The following TMEM201 variants were observed in gnomAD, a reference collection of about 807,000 sequenced individuals.
The protein encoded by TMEM201 is transmembrane protein 201, also known as RP13-15M17.2.
TMEM201 carries 26 observed loss-of-function variants against 63.4 expected under a neutral mutation model. The observed-to-expected ratio is 0.41, with a 90% CI of 0.30 to 0.57. The LOEUF is 0.57. Among genes scored for constraint, TMEM201 ranks in the 20% least tolerant of loss-of-function variants. TMEM201 has a pLI of 0.29. For missense variants in TMEM201, 794 were observed against 917.7 expected (o/e 0.87, Z 1.74); for synonymous variants, 417 against 421.6 (o/e 0.99, Z 0.14).
chr1:9,609,664 G>C (rs1309139318), intron 7 of TMEM201, among the ~76,000 whole-genome samples, 176 bp from the exon 8 acceptor site: 5 of 152,158 alleles, frequency 3.3e-5, no homozygotes, highest in African/African-American at 1.2e-4. Flanking sequence ...CTGCAAAAAG[G>C]GAACGTGCCC....
chr1:9,611,004 T>A, intron 9 of TMEM201, 199 bp downstream of exon 9: 1 of 1,532,728 alleles, frequency 6.5e-7, no homozygotes, highest in Non-Finnish European at 8.7e-7. Flanking sequence ...TTTCAGTTTC[T>A]CCTTTTGCAG....
At chr1:9,606,454 T>C (rs1644245392) in intron 6 of TMEM201, 1 of 152,220 alleles carries the variant, frequency 6.6e-6, no homozygotes, top group South Asian at 2.1e-4. Flanking sequence ...ACTTTCCTTA[T>C]AAAACTTTTT....
Position 9,609,861 on chromosome 1 carries a change from G to A in TMEM201, c.1415G>A (p.Gly472Asp). The change falls in exon 8 of 11, where the codon GGT becomes GAT. Residue 472 changes from glycine (G) to aspartate (D), a missense_variant. Physicochemically the swap from Gly to Asp is moderately conservative, Grantham distance 94. Transcript: ENST00000340381. ...CCAGACTCCGGCTATCTGTTCAGCG[G>A]TAGCCGCCCACCATCTCAGGTGTCT... ...TRADSGYLFSGSRPPSQVSRS... is the reference protein window; with the variant it reads ...TRADSGYLFSDSRPPSQVSRS... The A allele has an allele frequency of 3.9e-6, 6 of 1,551,442 alleles. No individual in the cohort carries two copies. The highest frequency in any genetic ancestry group is 5.2e-6 in the Non-Finnish European group (6 of 1,146,950).
intron 1 of TMEM201, among the ~76,000 whole-genome samples, chr1:9,595,509 C>T (rs903078654): frequency 7.9e-5 from 12 of 152,134 alleles, no homozygotes; most frequent in Non-Finnish European, 1.3e-4. Flanking sequence ...TTGGCCAGCC[C>T]TGGCCCCTGT....
chr1:9,601,568 C>T, intron 5 of TMEM201, 114 bp downstream of exon 5: 3 of 1,017,106 alleles, frequency 2.9e-6, no homozygotes, highest in Non-Finnish European at 4.2e-6. Flanking sequence ...CTGAACTCCA[C>T]CATGTCACTG....
rs199795800 is a variant in TMEM201, at chr1:9,601,392, G to A, written c.894G>A (p.Thr298=). 89 of 1,602,870 alleles carry A rather than the reference G, an allele frequency of 5.6e-5. No homozygotes were observed. The East Asian group carries it at 1.4e-3, about 26-fold the overall frequency. The change falls in exon 5 of 11, where the codon ACG becomes ACA. Residue 298 remains threonine (T), a synonymous_variant. Transcript: ENST00000340381. ...GGGCCTTTGGGCAGAGCCACCAGAC[G>A]GGCGTCGTGGCACTGGGCCTACTCA... ...EAWAFGQSHQ[T]GVVALGLLTC...
chr1:9,598,042 G>C (rs1373762485), intron 3 of TMEM201, among the ~76,000 whole-genome samples: 2 of 152,212 alleles, frequency 1.3e-5, no homozygotes, highest in East Asian at 3.9e-4. Flanking sequence ...TCAAGCGGAA[G>C]GGCAAGCGCC....
chr1:9,611,346 C>T lies in TMEM201; in HGVS notation c.1766-407C>T, dbSNP rs558006723. On this transcript the variant is annotated intron_variant, in intron 9 of 10. Transcript: ENST00000340381. ...CCGAGTAGCTGGGACTACAGGTGCG[C>T]GCCACCATGCCTGGCTAATTTTTAT... 4.9e-4 allele frequency among the ~76,000 whole-genome samples: 74 copies of T among 152,208 alleles called. No homozygotes were observed. The East Asian group carries it at 6.9e-3, about 14-fold the overall frequency.
In TMEM201 at chr1:9,604,187, G is replaced by C. The variant is rs2100503132; in HGVS notation, c.1160+1915G>C. On this transcript the variant is annotated intron_variant, in intron 6 of 10. Transcript: ENST00000340381. The surrounding 1 kb of genome is among the most constrained non-coding windows in gnomAD (Gnocchi z 4.1). ...TGTTGACAGTGTGATGCTAATGTCT[G>C]CTTTTCTTGGCGTTGGGTAGAAGCA... is the stretch of plus-strand genomic sequence containing the variant. The C allele has an allele frequency of 1.0e-6, 1 of 985,454 alleles. No homozygotes were observed. Among genetic ancestry groups the C allele is most frequent in the East Asian group, 1.1e-4 (1 of 8,814 alleles). The allele number at this position is 985,454 out of a possible 1,614,324, so 61.0% of individuals were successfully genotyped here. A position where few individuals can be genotyped will look rare whatever the true frequency, so the allele number is the denominator to read the frequency against.
intron 9 of TMEM201, chr1:9,611,050 C>T (rs977054819): frequency 1.2e-5 from 19 of 1,522,542 alleles, no homozygotes; most frequent in Non-Finnish European, 1.6e-5. Flanking sequence ...TGGAACTGAT[C>T]GAAAACACAT....
Position 9,605,654 on chromosome 1 carries a change from G to A in TMEM201, c.1161-1903G>A, listed in dbSNP as rs930181559. Among the ~76,000 whole-genome samples, 1 of 151,974 alleles carries A rather than the reference G, an allele frequency of 6.6e-6. No individual in the cohort carries two copies. Among genetic ancestry groups the A allele is most frequent in the Non-Finnish European group, 1.5e-5 (1 of 68,028 alleles). ...TATCACAGTGAGGGAGTCAAACTGC[G>A]AAGGAACTCCCCACAGCACCATCTT... is the stretch of plus-strand genomic sequence containing the variant. On this transcript the variant is annotated intron_variant, in intron 6 of 10. Coordinates refer to ENST00000340381, the MANE Select transcript of TMEM201 (RefSeq NM_001130924.3). The surrounding 1 kb of genome is among the most constrained non-coding windows in gnomAD (Gnocchi z 5.7).
chr1:9,610,854 C>A lies in TMEM201; in HGVS notation c.1765+49C>A. On this transcript the variant is annotated intron_variant, in intron 9 of 10. Coordinates refer to ENST00000340381, the MANE Select transcript of TMEM201 (RefSeq NM_001130924.3). This position sits in a 1 kb window ranked among gnomAD's most constrained non-coding sequence, Gnocchi z 4.9. ...GGGGCCGTGGGAGGGCCTCTGCTGCCAAGAGGCCTGGCTGTGCGGCGGTGG... is the reference window on the plus strand; with the variant it reads ...GGGGCCGTGGGAGGGCCTCTGCTGCAAAGAGGCCTGGCTGTGCGGCGGTGG... The A allele has an allele frequency of 6.7e-7, 1 of 1,500,704 alleles. No homozygotes were observed. Among genetic ancestry groups the A allele is most frequent in the South Asian group, 1.3e-5 (1 of 77,974 alleles). 93.0% of individuals were successfully genotyped at this position (1,500,704 alleles called of 1,614,324 possible).
rs894756407 is a variant in TMEM201 at position 9,603,508 on chromosome 1, T to C, written c.1160+1236T>C. 3 of 985,522 alleles carry C rather than the reference T, an allele frequency of 3.0e-6. No individual in the cohort carries two copies. The highest frequency in any genetic ancestry group is 5.2e-4 in the Middle Eastern group (1 of 1,914). 61.0% of individuals were successfully genotyped at this position (985,522 alleles called of 1,614,324 possible). On this transcript the variant is annotated intron_variant, in intron 6 of 10. Coordinates refer to ENST00000340381, the MANE Select transcript of TMEM201 (RefSeq NM_001130924.3). The surrounding 1 kb of genome is among the most constrained non-coding windows in gnomAD (Gnocchi z 4.5). ...CCACTCCCTCAGGGCCCACATGTCC[T>C]GCCACTCGCCACTCTGAGCACGAGT...
At chr1:9,611,323 G>A (rs760975578) in intron 9 of TMEM201, among the ~76,000 whole-genome samples, 4 of 151,522 alleles carry the variant, frequency 2.6e-5, no homozygotes, top group African/African-American at 7.3e-5. Flanking sequence ...TCAGCCTCCC[G>A]AGTAGCTGGG....
chr1:9,591,342 C>A (rs1300447662), intron 1 of TMEM201, among the ~76,000 whole-genome samples: 2 of 152,264 alleles, frequency 1.3e-5, no homozygotes, highest in African/African-American at 2.4e-5. Context: ...AGGGCCCTGC[C>A]TCGCACCAGA....
rs1362081902 is a variant in TMEM201 at position 9,614,378 on chromosome 1, T to A, written c.*1295T>A. ...AGGATTCTTTTTTTTAAGCTTTGGG[T>A]GCTTTTTTAATACTTTTTTTTTTAA... On this transcript the variant is annotated 3_prime_UTR_variant, in exon 11 of 11. Transcript: ENST00000340381. 2.6e-5 allele frequency: 4 copies of A among 151,928 alleles called. No homozygotes were observed. The highest frequency in any genetic ancestry group is 9.7e-5 in the African/African-American group (4 of 41,338). 9.4% of individuals were successfully genotyped at this position (151,928 alleles called of 1,614,324 possible).
Position 9,609,931 on chromosome 1 carries a change from A to T in TMEM201, c.1465+20A>T. ...TTTCAGGTGAGGAAGACAGAGAGCT[A>T]AGTGGGGGACGGGGCAACATGAAGC... On this transcript the variant is annotated intron_variant, in intron 8 of 10. Coordinates refer to ENST00000340381, the MANE Select transcript of TMEM201 (RefSeq NM_001130924.3). 1 of 1,550,618 alleles carries T rather than the reference A, an allele frequency of 6.4e-7. No individual in the cohort carries two copies. Among genetic ancestry groups the T allele is most frequent in the Non-Finnish European group, 8.7e-7 (1 of 1,146,376 alleles).
intron 4 of TMEM201, among the ~76,000 whole-genome samples, chr1:9,599,634 GT>G (rs1021387112): frequency 8.7e-5 from 13 of 149,030 alleles, no homozygotes; most frequent in African/African-American, 2.7e-4. Context: ...GTTTTGTTTT[GT>G]TTTTTGAGAC....
chr1:9,591,624 G>C (rs999084139), intron 1 of TMEM201, among the ~76,000 whole-genome samples: 1 of 152,224 alleles, frequency 6.6e-6, no homozygotes, highest in Non-Finnish European at 1.5e-5. Flanking sequence ...CCACCGCCCC[G>C]CCTCCGGGGC....
Sources: allele counts gnomAD v4.1 joint callset (sites outside exome capture counted in the v4.1 genomes callset), GRCh38; gene constraint gnomAD v4.1.1; non-coding constraint Gnocchi (gnomAD v3.1); transcripts MANE v1.5; gene names NCBI Gene and HGNC (gene_info 2026-07-23, HGNC 2026-07-21).